Variants in NCALD observed in about 807,000 individuals in gnomAD.
NCALD encodes the protein neurocalcin-delta.
NCALD carries 10 observed loss-of-function variants against 18.6 expected under a neutral mutation model. The observed-to-expected ratio is 0.54, with a 90% CI of 0.33 to 0.91. The LOEUF (loss-of-function observed/expected upper bound fraction) is 0.91. Ranked by LOEUF, NCALD falls within the 40% of genes least tolerant of loss-of-function variation. The probability of loss-of-function intolerance (pLI) is 0.03; values close to 1 mark genes in which losing one functional copy is unlikely to be tolerated. For missense variants in NCALD, 184 were observed against 247.6 expected, an observed-to-expected ratio of 0.74 and a Z score of 1.72; for synonymous variants, 88 against 87.4, an observed-to-expected ratio of 1.01 and a Z score of -0.04.
At chr8:101,914,686 C>T (rs1817918602) in intron 3 of NCALD, among the ~76,000 whole-genome samples, 1 of 152,180 alleles carries the variant, frequency 6.6e-6, no homozygotes, top group Non-Finnish European at 1.5e-5. Flanking sequence ...CTCAAATTTT[C>T]CATCTTTGGA....
intron 4 of NCALD, among the ~76,000 whole-genome samples, chr8:101,882,656 C>T (rs1343593348): frequency 6.6e-6 from 1 of 152,192 alleles, no homozygotes; most frequent in African/African-American, 2.4e-5. Flanking sequence ...AAGATTAAAA[C>T]AGATAATTAT....
chr8:101,769,367 T>C (rs1032108723), intron 1 of NCALD, among the ~76,000 whole-genome samples: 2 of 152,222 alleles, frequency 1.3e-5, no homozygotes, highest in African/African-American at 4.8e-5. Flanking sequence ...AACAGCTCAT[T>C]AGTGATGTCC....
chr8:101,949,823 G>A (rs561422403), intron 2 of NCALD, among the ~76,000 whole-genome samples: 1 of 152,288 alleles, frequency 6.6e-6, no homozygotes, highest in East Asian at 1.9e-4. Flanking sequence ...CTGAAGAGGT[G>A]GTTGGTTTCT....
At chr8:101,955,666 C>A (rs959899600) in intron 2 of NCALD, among the ~76,000 whole-genome samples, 38 of 152,066 alleles carry the variant, frequency 2.5e-4, no homozygotes, top group African/African-American at 8.7e-4. Flanking sequence ...AATTCTTAAT[C>A]TATTTTCGGT....
intron 1 of NCALD, among the ~76,000 whole-genome samples, chr8:101,764,004 ACACACACACACC>A (rs796746764): frequency 0.01 from 1,175 of 114,840 alleles, 19 homozygotes; most frequent in African/African-American, 0.027. Context: ...ACACACACAC[ACACACACACACC>A]CCCTATTGGT....
intron 2 of NCALD, among the ~76,000 whole-genome samples, chr8:101,923,854 A>G (rs1369186837): frequency 5.3e-5 from 8 of 152,152 alleles, no homozygotes; most frequent in Admixed American, 5.2e-4. Flanking sequence ...TTTGAGCTTG[A>G]CTATTTTAAA....
intron 4 of NCALD, among the ~76,000 whole-genome samples, chr8:101,843,343 A>G (rs762243669): frequency 5.9e-5 from 9 of 152,224 alleles, no homozygotes; most frequent in Non-Finnish European, 8.8e-5. Context: ...CGCTAGACCT[A>G]CTGAATCAGA....
chr8:102,057,289 T>G (rs187488166), intron 1 of NCALD, among the ~76,000 whole-genome samples: 15 of 91,044 alleles, frequency 1.6e-4, no homozygotes, highest in Non-Finnish European at 5.0e-5. Context: ...CACACACATA[T>G]GTACATATAG....
intron 2 of NCALD, among the ~76,000 whole-genome samples, chr8:101,983,255 C>G (rs1820688758): frequency 6.6e-6 from 1 of 152,196 alleles, no homozygotes; most frequent in Non-Finnish European, 1.5e-5. Flanking sequence ...TTCCCCACCC[C>G]TGGCTCATCT....
chr8:101,687,854 C>A lies in NCALD; in HGVS notation c.*1455G>T, dbSNP rs1353146937. ...CTGAGGTCACCAGACCAAACAGCAACTCAGACTTGTGCTGTCACTTCTGGA... is the reference window on the plus strand; with the variant it reads ...CTGAGGTCACCAGACCAAACAGCAAATCAGACTTGTGCTGTCACTTCTGGA... On this transcript the variant is annotated 3_prime_UTR_variant, in exon 4 of 4. Coordinates refer to ENST00000220931, the MANE Select transcript of NCALD (RefSeq NM_032041.3). 3 of 152,232 alleles carry A rather than the reference C, an allele frequency of 2.0e-5. No individual in the cohort carries two copies. Among genetic ancestry groups the A allele is most frequent in the Non-Finnish European group, 4.4e-5 (3 of 68,054 alleles). 9.4% of individuals were successfully genotyped at this position (152,232 alleles called of 1,614,324 possible). A position where few individuals can be genotyped will look rare whatever the true frequency, so the allele number is the denominator to read the frequency against.
chr8:101,841,636 C>T (rs1411637808), intron 4 of NCALD, among the ~76,000 whole-genome samples: 1 of 152,176 alleles, frequency 6.6e-6, no homozygotes, highest in Non-Finnish European at 1.5e-5. Flanking sequence ...CAGAACCCTG[C>T]TTATAGTCTT....
chr8:102,041,737 C>CACTGAGCTAGAACCTGAATGCTA (rs1586966975), intron 1 of NCALD, among the ~76,000 whole-genome samples: 15 of 149,816 alleles, frequency 1.0e-4, no homozygotes, highest in African/African-American at 2.8e-4. Flanking sequence ...TTTTTGAGCT[C>CACTGAGCTAGAACCTGAATGCTA]AGAATTCTCC....
chr8:101,886,883 A>G (rs920090110), intron 4 of NCALD, among the ~76,000 whole-genome samples: 1 of 152,164 alleles, frequency 6.6e-6, no homozygotes, highest in African/African-American at 2.4e-5. Flanking sequence ...TACTTAAATA[A>G]GGTTTCCGCT....
Position 102,086,193 on chromosome 8 carries a change from G to A in NCALD, c.-210+38044C>T, listed in dbSNP as rs563915434. 2.0e-5 allele frequency among the ~76,000 whole-genome samples: 3 copies of A among 152,282 alleles called. No individual in the cohort carries two copies. The East Asian group carries it at 5.8e-4, about 29-fold the overall frequency. On this transcript the variant is annotated intron_variant, in intron 1 of 6. Transcript: ENST00000311028. ...TCACTTGAGCATTGCTCATCTGAGT[G>A]CACAAGACTGTACAGCTCTTTTGTG...
chr8:101,836,978 C>T (rs1238432564), intron 4 of NCALD, among the ~76,000 whole-genome samples: 1 of 152,132 alleles, frequency 6.6e-6, no homozygotes, highest in Non-Finnish European at 1.5e-5. Flanking sequence ...ATCTTGATCT[C>T]AAAAATCTAT....
chr8:102,072,057 G>T (rs537460158), intron 1 of NCALD, among the ~76,000 whole-genome samples: 6 of 149,700 alleles, frequency 4.0e-5, no homozygotes, highest in Non-Finnish European at 7.4e-5. Context: ...GGACTTAAAC[G>T]GCCAGACTTC....
At chr8:101,756,858 A>G (rs1291454770) in intron 1 of NCALD, among the ~76,000 whole-genome samples, 1 of 152,196 alleles carries the variant, frequency 6.6e-6, no homozygotes, top group African/African-American at 2.4e-5. Flanking sequence ...GCAGTACATA[A>G]GGAATTGACT....
In NCALD at chr8:102,002,170, G is replaced by C. The variant is rs1308968990; in HGVS notation, c.-157+18067C>G. ...AGACACACATAGGCTCAAAATAAAG[G>C]GATGGAGGAAGATCTACCAAGCAAA... On this transcript the variant is annotated intron_variant, in intron 2 of 6. Transcript: ENST00000311028. Among the ~76,000 whole-genome samples, 6 of 152,130 alleles carry C rather than the reference G, an allele frequency of 3.9e-5. No individual in the cohort carries two copies. In the East Asian group the frequency reaches 1.2e-3, roughly 29 times the overall value.
In NCALD at chr8:101,719,580, A is replaced by G; in HGVS notation, c.50T>C (p.Leu17Pro). 1 of 1,611,604 alleles carries G rather than the reference A, an allele frequency of 6.2e-7. No individual in the cohort carries two copies. The highest frequency in any genetic ancestry group is 8.5e-7 in the Non-Finnish European group (1 of 1,179,170). ...KLRPEVMQDL[L>P]ESTDFTEHEI... ...ATGCTCTGTAAAGTCTGTGCTTTCC[A>G]GCAAGTCCTGCATGACCTCCGGGCG... The change falls in exon 2 of 4, where the codon CTG (leucine) becomes CCG (proline). Residue 17 changes from leucine to proline, a missense_variant. Physicochemically the swap from Leu to Pro is moderately conservative, Grantham distance 98. Coordinates refer to ENST00000220931, the MANE Select transcript of NCALD (RefSeq NM_032041.3).
Sources: allele counts gnomAD v4.1 joint callset (sites outside exome capture counted in the v4.1 genomes callset), GRCh38; gene constraint gnomAD v4.1.1; transcripts MANE v1.5; gene names NCBI Gene and HGNC (gene_info 2026-07-23, HGNC 2026-07-21).